The following SMTNL2 variants were observed in gnomAD, a reference collection of about 807,000 sequenced individuals.
The protein encoded by SMTNL2 is smoothelin-like protein 2.
Under a neutral mutation model 44.1 loss-of-function variants are expected in SMTNL2, and 43 were observed. The ratio of observed to expected loss-of-function variants is 0.98; its 90% CI spans 0.76 to 1.26. The LOEUF (loss-of-function observed/expected upper bound fraction) is 1.26, where lower values mean the gene tolerates loss of function less well. Ranked by LOEUF, SMTNL2 falls within the 50% of genes most tolerant of loss-of-function variation. The pLI is 0.00. For synonymous variants in SMTNL2, 317 were observed against 287.6 expected (o/e 1.10, Z -1.03); for missense variants, 646 against 670.2 (o/e 0.96, Z 0.40).
Position 4,600,765 on chromosome 17 carries a change from T to C in SMTNL2, c.1259+3442T>C, listed in dbSNP as rs1370889895. 2.6e-5 allele frequency among the ~76,000 whole-genome samples: 4 copies of C among 152,154 alleles called. No homozygotes were observed. In the East Asian group the frequency reaches 7.7e-4, roughly 29 times the overall value. On this transcript the variant is annotated intron_variant, in intron 7 of 7. Coordinates refer to ENST00000389313, the MANE Select transcript of SMTNL2 (RefSeq NM_001114974.2). The surrounding 1 kb of genome is among the most constrained non-coding windows in gnomAD (Gnocchi z 4.7). ...CTTCTGCACCCGTCCTTTCCACCTC[T>C]GCAGAGGCCCAGTGCAGGACGTGCA...
At chr17:4,587,529 T>C (rs1909391626) in intron 1 of SMTNL2, among the ~76,000 whole-genome samples, 1 of 152,118 alleles carries the variant, frequency 6.6e-6, no homozygotes, top group Non-Finnish European at 1.5e-5. Flanking sequence ...GTGTGGACCA[T>C]GGACATAGAG....
chr17:4,607,310 G>A lies in SMTNL2; in HGVS notation c.1260-51G>A, dbSNP rs1597420374. On this transcript the variant is annotated intron_variant, in intron 7 of 7. Transcript: ENST00000389313. The surrounding 1 kb of genome is among the most constrained non-coding windows in gnomAD (Gnocchi z 4.7). ...AGACACCGGCCCTGTCGCGGCTGTGGGGCTGGCTGATGGCTGGGACCACCG... is the reference window on the plus strand; with the variant it reads ...AGACACCGGCCCTGTCGCGGCTGTGAGGCTGGCTGATGGCTGGGACCACCG... The A allele has an allele frequency of 6.2e-7, 1 of 1,609,126 alleles. No individual in the cohort carries two copies. Among genetic ancestry groups the A allele is most frequent in the Non-Finnish European group, 8.5e-7 (1 of 1,176,470 alleles).
chr17:4,586,172 G>GC (rs1050270605), intron 1 of SMTNL2, among the ~76,000 whole-genome samples: 23 of 152,320 alleles, frequency 1.5e-4, no homozygotes, highest in Non-Finnish European at 2.5e-4. Flanking sequence ...AGTGGCGAAT[G>GC]CCCCTAGTGT....
chr17:4,584,629 G>C lies in SMTNL2; in HGVS notation c.24G>C (p.Gln8His). Reference protein sequence around the residue: MEPAPDAQEARTVREALG... With the variant: MEPAPDAHEARTVREALG... ...CCATGGAGCCGGCCCCCGACGCCCA[G>C]GAGGCGCGCACTGTGCGCGAGGCGC... The change falls in exon 1 of 8, where the codon CAG becomes CAC. Residue 8 changes from glutamine to histidine, a missense_variant. Gln to His is a conservative substitution (Grantham distance 24). Transcript: ENST00000389313. 5 of 1,247,926 alleles carry C rather than the reference G, an allele frequency of 4.0e-6. No individual in the cohort carries two copies. Among genetic ancestry groups the C allele is most frequent in the Non-Finnish European group, 5.0e-6 (5 of 997,376 alleles). 77.3% of individuals were successfully genotyped at this position (1,247,926 alleles called of 1,614,324 possible).
Position 4,596,971 on chromosome 17 carries a change from C to G in SMTNL2, c.1101C>G (p.Gly367=). Residue 367 remains glycine, a synonymous_variant, in exon 6 of 8, where the codon GGC becomes GGG. Coordinates refer to ENST00000389313, the MANE Select transcript of SMTNL2 (RefSeq NM_001114974.2). ...LLEWCRSKTL[G]YQHVDLQNFS... ...AGTGGTGCCGCAGCAAGACGCTGGG[C>G]TACCAGGTGAGCCCCGGCTCCCCTC... is the stretch of plus-strand genomic sequence containing the variant. 6.6e-7 allele frequency: 1 copy of G among 1,508,740 alleles called. No individual in the cohort carries two copies. Among genetic ancestry groups the G allele is most frequent in the Non-Finnish European group, 8.9e-7 (1 of 1,122,230 alleles). 93.5% of individuals were successfully genotyped at this position (1,508,740 alleles called of 1,614,324 possible). A position where few individuals can be genotyped will look rare whatever the true frequency, so the allele number is the denominator to read the frequency against.
chr17:4,607,626 T>G lies in SMTNL2; in HGVS notation c.*139T>G. ...TTTGTTCTGTGGCATGTGACGGCAC[T>G]CCCCTTCGAGCCCAGCTGTGTTACT... On this transcript the variant is annotated 3_prime_UTR_variant, in exon 8 of 8. Transcript: ENST00000389313. This position sits in a 1 kb window ranked among gnomAD's most constrained non-coding sequence, Gnocchi z 4.7. 1 of 1,342,390 alleles carries G rather than the reference T, an allele frequency of 7.4e-7. No homozygotes were observed. Among genetic ancestry groups the G allele is most frequent in the Non-Finnish European group, 1.0e-6 (1 of 989,500 alleles). The allele number at this position is 1,342,390 out of a possible 1,614,324, so 83.2% of individuals were successfully genotyped here.
rs1247826815 is a variant in SMTNL2, at chr17:4,607,564, GC to G, written c.*82del. On this transcript the variant is annotated 3_prime_UTR_variant, in exon 8 of 8. Transcript: ENST00000389313. This position sits in a 1 kb window ranked among gnomAD's most constrained non-coding sequence, Gnocchi z 4.7. ...CCGCTTGCGATTCCCCAGCCAGGAT[GC>G]CCCCAGGAGCCTTGCCGTTTGGTGT... The G allele has an allele frequency of 1.9e-5, 29 of 1,564,994 alleles. No homozygotes were observed. In the East Asian group the frequency reaches 3.6e-4, roughly 20 times the overall value.
In SMTNL2 at chr17:4,592,835, G is replaced by C. The variant is rs1909634842; in HGVS notation, c.488-94G>C. On this transcript the variant is annotated intron_variant, in intron 2 of 7. Coordinates refer to ENST00000389313, the MANE Select transcript of SMTNL2 (RefSeq NM_001114974.2). The surrounding 1 kb of genome is among the most constrained non-coding windows in gnomAD (Gnocchi z 4.5). Reference sequence around the variant, plus strand: ...GGAGGCCTTCCTAGAGGAGGTGGGAGGAGGGCCCAGGGAGGCTAGAGCCCT... The same window carrying C: ...GGAGGCCTTCCTAGAGGAGGTGGGACGAGGGCCCAGGGAGGCTAGAGCCCT... 2.0e-6 allele frequency: 3 copies of C among 1,505,128 alleles called. No individual in the cohort carries two copies. The highest frequency in any genetic ancestry group is 2.7e-6 in the Non-Finnish European group (3 of 1,122,904). 93.2% of individuals were successfully genotyped at this position (1,505,128 alleles called of 1,614,324 possible).
Position 4,592,380 on chromosome 17 carries a change from C to T in SMTNL2, c.419C>T (p.Ala140Val), listed in dbSNP as rs1320953332. ...GRGQSLDHDEASESEMRKTSN... is the reference protein window; with the variant it reads ...GRGQSLDHDEVSESEMRKTSN... ...CTGTAGAGTTTGGATCACGATGAGG[C>T]CAGTGAGTCGGAGATGAGAAAGACC... is the stretch of plus-strand genomic sequence containing the variant. The change falls in exon 2 of 8, where the codon GCC becomes GTC. Residue 140 changes from alanine to valine, a missense_variant. Ala to Val is a moderately conservative substitution (Grantham distance 64). Transcript: ENST00000389313. This position sits in a 1 kb window ranked among gnomAD's most constrained non-coding sequence, Gnocchi z 4.5. 1.9e-6 allele frequency: 3 copies of T among 1,613,620 alleles called. No homozygotes were observed. Among genetic ancestry groups the T allele is most frequent in the Non-Finnish European group, 2.5e-6 (3 of 1,179,968 alleles).
chr17:4,605,669 T>C (rs1910240147), intron 7 of SMTNL2, among the ~76,000 whole-genome samples: 1 of 152,022 alleles, frequency 6.6e-6, no homozygotes, highest in Non-Finnish European at 1.5e-5. Flanking sequence ...CATGCGCTTA[T>C]TGATGGGAAA....
intron 1 of SMTNL2, among the ~76,000 whole-genome samples, chr17:4,590,149 T>C (rs1489851146): frequency 6.6e-6 from 1 of 151,858 alleles, no homozygotes; most frequent in Non-Finnish European, 1.5e-5. Flanking sequence ...GTATTTTTAG[T>C]AGAGATGGGG....
chr17:4,584,788 C>T lies in SMTNL2; in HGVS notation c.183C>T (p.Ala61=), dbSNP rs1909273027. 1.1e-5 allele frequency: 15 copies of T among 1,319,666 alleles called. No individual in the cohort carries two copies. The highest frequency in any genetic ancestry group is 3.2e-5 in the East Asian group (1 of 31,000). The allele number at this position is 1,319,666 out of a possible 1,614,324, so 81.7% of individuals were successfully genotyped here. Residue 61 remains alanine (A), a synonymous_variant, in exon 1 of 8, where the codon GCC becomes GCT. Coordinates refer to ENST00000389313, the MANE Select transcript of SMTNL2 (RefSeq NM_001114974.2). ...RLAGPLARTV[A]DLQRDNQRLQ... ...CCGGCCCCCTGGCGCGCACGGTGGC[C>T]GACCTGCAGCGGGACAACCAGCGGC...
intron 7 of SMTNL2, among the ~76,000 whole-genome samples, chr17:4,604,135 G>A (rs529930400): frequency 1.3e-5 from 2 of 152,258 alleles, no homozygotes; most frequent in South Asian, 2.1e-4. Context: ...ATGAGCCACC[G>A]CGCCCGGCCT....
At chr17:4,591,830 G>A (rs1763154169) in intron 1 of SMTNL2, among the ~76,000 whole-genome samples, 2 of 152,224 alleles carry the variant, frequency 1.3e-5, no homozygotes, top group African/African-American at 2.4e-5. Flanking sequence ...GTCGCACGGA[G>A]CTGATCAGGC....
chr17:4,595,146 C>T lies in SMTNL2; in HGVS notation c.808C>T (p.Pro270Ser). Reference sequence around the variant, plus strand: ...CCAACTCGGCGATTCTTTCCTCAGCCCACCGCTGGTGACACCACCCCAGTC... The same window carrying T: ...CCAACTCGGCGATTCTTTCCTCAGCTCACCGCTGGTGACACCACCCCAGTC... ...AVTASKHSNS[P>S]PLVTPPQSPV... The change falls in exon 5 of 8, where the codon CCA becomes TCA. Residue 270 changes from proline to serine, a missense_variant and splice_region_variant. By Grantham distance (74) the Pro-to-Ser change is moderately conservative. Transcript: ENST00000389313. This position sits in a 1 kb window ranked among gnomAD's most constrained non-coding sequence, Gnocchi z 5.1. The T allele has an allele frequency of 6.2e-7, 1 of 1,613,168 alleles. No individual in the cohort carries two copies. Among genetic ancestry groups the T allele is most frequent in the Non-Finnish European group, 8.5e-7 (1 of 1,179,992 alleles).
At position 4,598,551 on chromosome 17, in the gene SMTNL2, C is replaced by T. The variant is rs1281249207; in HGVS notation, c.1259+1228C>T. On this transcript the variant is annotated intron_variant, in intron 7 of 7. Coordinates refer to ENST00000389313, the MANE Select transcript of SMTNL2 (RefSeq NM_001114974.2). This position sits in a 1 kb window ranked among gnomAD's most constrained non-coding sequence, Gnocchi z 4.8. ...TTTAAGAGTGGTCCTTGGCCGGGCACGGTGGCTCCCACCTGTAATCCTAGC... is the reference window on the plus strand; with the variant it reads ...TTTAAGAGTGGTCCTTGGCCGGGCATGGTGGCTCCCACCTGTAATCCTAGC... Among the ~76,000 whole-genome samples the T allele has an allele frequency of 2.0e-5, 3 of 152,160 alleles. No individual in the cohort carries two copies. The highest frequency in any genetic ancestry group is 2.9e-5 in the Non-Finnish European group (2 of 68,028).
At chr17:4,588,589 G>A (rs1909439098) in intron 1 of SMTNL2, among the ~76,000 whole-genome samples, 1 of 152,226 alleles carries the variant, frequency 6.6e-6, no homozygotes, top group East Asian at 1.9e-4. Flanking sequence ...TGGGGACTCT[G>A]CGGGGACAGC....
In SMTNL2 at chr17:4,607,418, C is replaced by A; in HGVS notation, c.1317C>A (p.Arg439=). Residue 439 remains arginine, a synonymous_variant, in exon 8 of 8, where the codon CGC becomes CGA. Transcript: ENST00000389313. The surrounding 1 kb of genome is among the most constrained non-coding windows in gnomAD (Gnocchi z 4.7). ...IEVEDMMVMG[R]KPDPMCVFTY... The stretch of plus-strand genomic sequence containing the variant: ...TGGAGGACATGATGGTGATGGGCCG[C>A]AAGCCGGACCCCATGTGTGTCTTCA... 6.2e-7 allele frequency: 1 copy of A among 1,614,214 alleles called. No homozygotes were observed. The highest frequency in any genetic ancestry group is 8.5e-7 in the Non-Finnish European group (1 of 1,180,032).
Position 4,584,591 on chromosome 17 carries a change from G to A in SMTNL2, c.-15G>A. The A allele has an allele frequency of 1.6e-6, 2 of 1,224,908 alleles. No homozygotes were observed. The highest frequency in any genetic ancestry group is 1.0e-6 in the Non-Finnish European group (1 of 983,122). The allele number at this position is 1,224,908 out of a possible 1,614,324, so 75.9% of individuals were successfully genotyped here. ...CCCGTCTGGCCCGCTCTCGACCCGC[G>A]CGCTCTGCTGGGCCATGGAGCCGGC... On this transcript the variant is annotated 5_prime_UTR_variant, in exon 1 of 8. Transcript: ENST00000389313.
Sources: gnomAD v4.1 joint callset for allele counts (sites outside exome capture counted in the v4.1 genomes callset) on GRCh38, gnomAD v4.1.1 for gene constraint, Gnocchi (gnomAD v3.1) non-coding constraint, MANE v1.5 for transcripts, NCBI Gene and HGNC (gene_info 2026-07-23, HGNC 2026-07-21) for gene names.